Variants in RAD51B observed in about 807,000 individuals in gnomAD.
The protein encoded by RAD51B is DNA repair protein RAD51 homolog 2.
Under a neutral mutation model 42.2 loss-of-function variants are expected in RAD51B, and 38 were observed. The observed-to-expected ratio is 0.90, with a 90% confidence interval of 0.70 to 1.18. The LOEUF is 1.18. Among genes scored for constraint, RAD51B ranks in the 50% most tolerant of loss-of-function variants. The probability of loss-of-function intolerance (pLI) is 0.00; values close to 1 mark genes in which losing one functional copy is unlikely to be tolerated. For missense variants in RAD51B, 373 were observed against 400.7 expected, an observed-to-expected ratio of 0.93 and a Z score of 0.59; for synonymous variants, 154 against 145.2, an observed-to-expected ratio of 1.06 and a Z score of -0.43.
chr14:68,495,596 A>C (rs943564560), intron 10 of RAD51B, among the ~76,000 whole-genome samples: 12 of 151,766 alleles, frequency 7.9e-5, no homozygotes, highest in Admixed American at 2.0e-4. Flanking sequence ...CGGGCTGCCA[A>C]GCGCGTAGAA....
chr14:68,481,720 A>G (rs7149719), downstream of RAD51B, among the ~76,000 whole-genome samples: 2,939 of 152,326 alleles, frequency 0.019, 95 homozygotes, highest in African/African-American at 0.068. Flanking sequence ...GAACTCAGGC[A>G]GTTCTACTCT....
chr14:68,143,029 A>G (rs529452001), intron 7 of RAD51B, among the ~76,000 whole-genome samples: 2,058 of 146,920 alleles, frequency 0.014, 39 homozygotes, highest in African/African-American at 0.042. Context: ...GTGGGGGGGG[A>G]GTTATTATGC....
At chr14:67,921,234 G>A (rs2044312338) in intron 7 of RAD51B, among the ~76,000 whole-genome samples, 1 of 152,248 alleles carries the variant, frequency 6.6e-6, no homozygotes, top group African/African-American at 2.4e-5. Context: ...ATGTCAGACA[G>A]GGTATCTCTG....
At chr14:67,901,173 A>G (rs557190547) in intron 7 of RAD51B, among the ~76,000 whole-genome samples, 2 of 152,216 alleles carry the variant, frequency 1.3e-5, no homozygotes, top group East Asian at 1.9e-4. Flanking sequence ...CCTCCTAAGG[A>G]TGTTGCATCT....
At chr14:68,341,311 A>G (rs1225329973) in intron 8 of RAD51B, among the ~76,000 whole-genome samples, 1 of 152,206 alleles carries the variant, frequency 6.6e-6, no homozygotes, top group African/African-American at 2.4e-5. Context: ...ATTAAATGAC[A>G]CTGTGTCATT....
At chr14:68,043,868 A>T (rs1479718839) in intron 7 of RAD51B, among the ~76,000 whole-genome samples, 1 of 152,216 alleles carries the variant, frequency 6.6e-6, no homozygotes, top group Non-Finnish European at 1.5e-5. Flanking sequence ...GGCTAAAGTT[A>T]TGTGAAGTGC....
intron 7 of RAD51B, among the ~76,000 whole-genome samples, chr14:68,274,846 G>T (rs1254895649): frequency 6.6e-6 from 1 of 152,146 alleles, no homozygotes; most frequent in African/African-American, 2.4e-5. Context: ...ACTGGTGGTT[G>T]CTGCTAAGGT....
chr14:68,000,796 A>T (rs1404832433), intron 7 of RAD51B, among the ~76,000 whole-genome samples: 1 of 152,108 alleles, frequency 6.6e-6, no homozygotes, highest in Non-Finnish European at 1.5e-5. Context: ...ATCACCCTTG[A>T]CCATGTGGAT....
intron 5 of RAD51B, among the ~76,000 whole-genome samples, chr14:67,867,864 C>T (rs1043992849): frequency 6.6e-6 from 1 of 152,182 alleles, no homozygotes; most frequent in Non-Finnish European, 1.5e-5. Flanking sequence ...GCTTGCAAAG[C>T]TAGCCGGCTA....
At chr14:67,962,339 A>T (rs79660223) in intron 7 of RAD51B, among the ~76,000 whole-genome samples, 446 of 152,376 alleles carry the variant, frequency 2.9e-3, no homozygotes, top group Non-Finnish European at 5.5e-3. Flanking sequence ...GAACCTGCAG[A>T]TCAAAAGATA....
chr14:68,256,436 A>G (rs552161104), intron 7 of RAD51B, among the ~76,000 whole-genome samples: 5 of 152,288 alleles, frequency 3.3e-5, no homozygotes, highest in Non-Finnish European at 7.4e-5. Context: ...ATGACTCTGA[A>G]TTAATTTCAG....
Position 68,308,017 on chromosome 14 carries a change from G to A in RAD51B, c.853+16037G>A, listed in dbSNP as rs190903347. Among the ~76,000 whole-genome samples, 22 of 151,512 alleles carry A rather than the reference G, an allele frequency of 1.5e-4. No individual in the cohort carries two copies. The East Asian group carries it at 1.9e-3, about 13-fold the overall frequency. ...TAAATGATGCAGTGATTTTTTTTTC[G>A]TCCTTATTAAATTTATTTATAGCCA... On this transcript the variant is annotated intron_variant, in intron 8 of 10. Transcript: ENST00000471583.
intron 10 of RAD51B, among the ~76,000 whole-genome samples, chr14:68,515,748 A>ATTTC (rs146518606): frequency 8.1e-5 from 11 of 135,370 alleles, no homozygotes; most frequent in Middle Eastern, 4.5e-3. Context: ...AGGTGAACCA[A>ATTTC]TTTCTTTCTT....
rs2079670515 is a variant in RAD51B at position 68,209,977 on chromosome 14, TGAGACAGAG to T, written c.757-81906_757-81898del. On this transcript the variant is annotated intron_variant, in intron 7 of 10. Transcript: ENST00000471583. ...TAGGAATACCTTTTTTTTTTTTTTT[TGAGACAGAG>T]TCTTACTCTGTCACCCAGGCTGGAG... is the stretch of plus-strand genomic sequence containing the variant. Among the ~76,000 whole-genome samples, 13 of 142,002 alleles carry T rather than the reference TGAGACAGAG, an allele frequency of 9.2e-5. No homozygotes were observed. In the South Asian group the frequency reaches 2.9e-3, roughly 31 times the overall value. 93.2% of individuals were successfully genotyped at this position (142,002 alleles called of 152,430 possible).
intron 9 of RAD51B, among the ~76,000 whole-genome samples, chr14:68,444,348 T>C (rs1005727121): frequency 6.6e-6 from 1 of 152,168 alleles, no homozygotes; most frequent in Non-Finnish European, 1.5e-5. Context: ...GCTCAAATCA[T>C]CATGACTTCC....
rs1175986071 is a variant in RAD51B at position 67,819,779 on chromosome 14, G to C, written c.-77G>C. 6.6e-6 allele frequency: 1 copy of C among 152,228 alleles called. No homozygotes were observed. The highest frequency in any genetic ancestry group is 1.5e-5 in the Non-Finnish European group (1 of 68,064). 9.4% of individuals were successfully genotyped at this position (152,228 alleles called of 1,614,324 possible). Reference sequence around the variant, plus strand: ...TGACGACTCAATCAGTGCTTCGGTTGTTGCTTTGCGGCGTTTTCCGCGGGG... The same window carrying C: ...TGACGACTCAATCAGTGCTTCGGTTCTTGCTTTGCGGCGTTTTCCGCGGGG... On this transcript the variant is annotated 5_prime_UTR_variant, in exon 1 of 11. Transcript: ENST00000471583.
intron 10 of RAD51B, chr14:68,562,120 T>C (rs1171343166): frequency 1.0e-6 from 1 of 985,292 alleles, no homozygotes; most frequent in African/African-American, 1.7e-5. Flanking sequence ...TTTCTCCCTG[T>C]GAAAGCCCTC....
At chr14:67,985,716 A>G (rs1294281368) in intron 7 of RAD51B, among the ~76,000 whole-genome samples, 10 of 151,886 alleles carry the variant, frequency 6.6e-5, no homozygotes, top group Non-Finnish European at 1.5e-4. Context: ...AGCCTGTGCA[A>G]CATGATGAAA....
At chr14:68,654,507 G>A (rs1252831844) in intron 11 of RAD51B, among the ~76,000 whole-genome samples, 1 of 152,190 alleles carries the variant, frequency 6.6e-6, no homozygotes, top group Admixed American at 6.5e-5. Flanking sequence ...TGCCTGGCAG[G>A]CAGATGGCCC....
Sources: gnomAD v4.1 joint callset for allele counts (sites outside exome capture counted in the v4.1 genomes callset) on GRCh38, gnomAD v4.1.1 for gene constraint, MANE v1.5 for transcripts, NCBI Gene and HGNC (gene_info 2026-07-23, HGNC 2026-07-21) for gene names.